The following DGKB variants were observed in gnomAD, a reference collection of about 807,000 sequenced individuals.
The protein encoded by DGKB is 90 kDa diacylglycerol kinase.
Under a neutral mutation model 114.3 loss-of-function variants are expected in DGKB, and 67 were observed. The observed-to-expected ratio is 0.59, with a 90% CI of 0.48 to 0.72. The LOEUF (loss-of-function observed/expected upper bound fraction) is 0.72, where lower values mean the gene tolerates loss of function less well. Among genes scored for constraint, DGKB ranks in the 30% least tolerant of loss-of-function variants. DGKB has a pLI of 0.00. For missense variants in DGKB, 907 were observed against 975.2 expected (o/e 0.93, Z 0.93); for synonymous variants, 398 against 323.1 (o/e 1.23, Z -2.49).
At chr7:14,756,992 T>C (rs766371015) in intron 3 of DGKB, among the ~76,000 whole-genome samples, 147 of 152,176 alleles carry the variant, frequency 9.7e-4, no homozygotes, top group Non-Finnish European at 1.6e-3. Context: ...CATTCCAGCA[T>C]GGTATTCAAA....
intron 1 of DGKB, among the ~76,000 whole-genome samples, chr7:14,888,676 CAA>C (rs1780703680): frequency 6.6e-6 from 1 of 151,696 alleles, no homozygotes; most frequent in African/African-American, 2.4e-5. Context: ...GTTAATTCTT[CAA>C]AGTTTCCCTT....
intron 21 of DGKB, among the ~76,000 whole-genome samples, chr7:14,405,991 G>A (rs556324656): frequency 6.6e-6 from 1 of 152,034 alleles, no homozygotes; most frequent in Admixed American, 6.6e-5. Flanking sequence ...AGAAAAAGGA[G>A]GAGGTTGTAT....
chr7:14,843,315 C>CTTT lies in DGKB; in HGVS notation c.-187-1868_-187-1866dup, dbSNP rs761304991. On this transcript the variant is annotated intron_variant, in intron 1 of 25. Coordinates refer to ENST00000402815, the MANE Select transcript of DGKB (RefSeq NM_001350709.2). ...TTATTTGTTAATTAAATTTTAATAA[C>CTTT]TTTTTTTTTTTTTTTTTTTTTTTTT... 3.2e-4 allele frequency among the ~76,000 whole-genome samples: 25 copies of CTTT among 77,278 alleles called. 1 individual carries two copies. The highest frequency in any genetic ancestry group is 3.8e-4 in the Non-Finnish European group (17 of 44,334). 50.7% of individuals were successfully genotyped at this position (77,278 alleles called of 152,430 possible).
At position 14,146,206 on chromosome 7, in the gene DGKB, C is replaced by T. The variant is rs747601624; in HGVS notation, c.*2925G>A. ...CAAGGAAGTGGAAAAAATAAATTTA[C>T]GTCTTTTAAACTTTCTGGTTCTATG... On this transcript the variant is annotated 3_prime_UTR_variant, in exon 26 of 26. Coordinates refer to ENST00000402815, the MANE Select transcript of DGKB (RefSeq NM_001350709.2). 6.6e-6 allele frequency: 1 copy of T among 152,170 alleles called. No homozygotes were observed. The highest frequency in any genetic ancestry group is 1.5e-5 in the Non-Finnish European group (1 of 68,026). 9.4% of individuals were successfully genotyped at this position (152,170 alleles called of 1,614,324 possible). A position where few individuals can be genotyped will look rare whatever the true frequency, so the allele number is the denominator to read the frequency against.
chr7:14,769,935 A>G (rs1480711789), intron 2 of DGKB, among the ~76,000 whole-genome samples: 1 of 152,128 alleles, frequency 6.6e-6, no homozygotes, highest in African/African-American at 2.4e-5. Flanking sequence ...CTTACAAATC[A>G]CATCAAATGT....
rs548793770 is a variant in DGKB, at chr7:14,620,532, A to G, written c.1284+846T>C. The stretch of plus-strand genomic sequence containing the variant: ...AATATAATGAATGCAAGTGTGTGAC[A>G]TACTGTTTGTATGTTAAATTGTTGG... On this transcript the variant is annotated intron_variant, in intron 15 of 25. Coordinates refer to ENST00000402815, the MANE Select transcript of DGKB (RefSeq NM_001350709.2). Among the ~76,000 whole-genome samples, 9 of 151,894 alleles carry G rather than the reference A, an allele frequency of 5.9e-5. No homozygotes were observed. In the South Asian group the frequency reaches 1.9e-3, roughly 31 times the overall value.
intron 14 of DGKB, among the ~76,000 whole-genome samples, chr7:14,624,759 A>T (rs1242858950): frequency 1.3e-5 from 2 of 152,280 alleles, no homozygotes; most frequent in Middle Eastern, 3.4e-3. Context: ...GCATTTTGGG[A>T]GGCTGAAGCA....
chr7:14,748,474 G>A (rs1833678003), intron 4 of DGKB, among the ~76,000 whole-genome samples: 1 of 152,146 alleles, frequency 6.6e-6, no homozygotes, highest in South Asian at 2.1e-4. Flanking sequence ...AAGACAGCTA[G>A]TACAATGGCC....
At position 14,145,323 on chromosome 7, in the gene DGKB, G is replaced by A. The variant is rs568092799; in HGVS notation, c.*3808C>T. The A allele has an allele frequency of 6.6e-6, 1 of 152,072 alleles. No individual in the cohort carries two copies. Among genetic ancestry groups the A allele is most frequent in the East Asian group, 1.9e-4 (1 of 5,184 alleles). The allele number at this position is 152,072 out of a possible 1,614,324, so 9.4% of individuals were successfully genotyped here. On this transcript the variant is annotated 3_prime_UTR_variant, in exon 26 of 26. Coordinates refer to ENST00000402815, the MANE Select transcript of DGKB (RefSeq NM_001350709.2). ...TTTACAGCTTTAATATATGTTACAA[G>A]GGTTTAATCTTTTAATAGAGATATT...
At position 14,333,177 on chromosome 7, in the gene DGKB, G is replaced by C. The variant is rs532669493; in HGVS notation, c.2122+5338C>G. On this transcript the variant is annotated intron_variant, in intron 23 of 25. Coordinates refer to ENST00000402815, the MANE Select transcript of DGKB (RefSeq NM_001350709.2). ...CTCTCAACACAATCAATCAGTGAGA[G>C]GCCGGGGGCAGTGGCTCACACCTGT... 3.3e-5 allele frequency among the ~76,000 whole-genome samples: 5 copies of C among 152,236 alleles called. No homozygotes were observed. The East Asian group carries it at 9.7e-4, about 29-fold the overall frequency.
chr7:14,926,519 AGTGGGAGGATCTGT>A (rs965825909), intron 1 of DGKB, among the ~76,000 whole-genome samples: 3 of 149,878 alleles, frequency 2.0e-5, no homozygotes, highest in African/African-American at 4.9e-5. Flanking sequence ...TTTAGTGGTA[AGTGGGAGGATCTGT>A]GAAGAATAAG....
intron 20 of DGKB, among the ~76,000 whole-genome samples, chr7:14,569,799 T>G (rs1382216145): frequency 6.6e-6 from 1 of 152,018 alleles, no homozygotes; most frequent in East Asian, 1.9e-4. Flanking sequence ...AATGTATAAA[T>G]TAATTGAATA....
chr7:14,438,894 A>T (rs1829658542), intron 21 of DGKB, among the ~76,000 whole-genome samples: 3 of 152,032 alleles, frequency 2.0e-5, no homozygotes, highest in African/African-American at 7.2e-5. Flanking sequence ...TAGTGACCTG[A>T]ATATACTCCC....
intron 20 of DGKB, among the ~76,000 whole-genome samples, chr7:14,516,117 G>C (rs1361644194): frequency 6.6e-6 from 1 of 152,072 alleles, no homozygotes; most frequent in African/African-American, 2.4e-5. Context: ...CAAAGTGCTA[G>C]GATTACAGGC....
At chr7:14,887,214 C>G (rs1440204363) in intron 1 of DGKB, among the ~76,000 whole-genome samples, 3 of 151,890 alleles carry the variant, frequency 2.0e-5, no homozygotes, top group South Asian at 4.2e-4. Flanking sequence ...CTGAAATTCC[C>G]CTTTAAAAGG....
At chr7:14,393,960 T>C (rs1821838686) in intron 21 of DGKB, among the ~76,000 whole-genome samples, 1 of 151,978 alleles carries the variant, frequency 6.6e-6, no homozygotes, top group Non-Finnish European at 1.5e-5. Flanking sequence ...TAGCTGGACA[T>C]GGCTGTATGG....
Position 14,641,509 on chromosome 7 carries a change from A to G in DGKB, c.1135-11241T>C, listed in dbSNP as rs1302975299. 4.1e-5 allele frequency among the ~76,000 whole-genome samples: 6 copies of G among 145,884 alleles called. No homozygotes were observed. The East Asian group carries it at 8.0e-4, about 20-fold the overall frequency. On this transcript the variant is annotated intron_variant, in intron 13 of 25. Transcript: ENST00000402815. ...CTTTCTCATTTTGGAAAAAAAAAAA[A>G]GGCTGTGCCTAGGCAAAAATTAAAC...
intron 23 of DGKB, among the ~76,000 whole-genome samples, chr7:14,220,923 C>T (rs1434357195): frequency 6.6e-6 from 1 of 150,724 alleles, no homozygotes; most frequent in Non-Finnish European, 1.5e-5. Context: ...GCATTTTATT[C>T]TTTTCTGAGG....
rs753217224 is a variant in DGKB, at chr7:14,443,064, A to G, written c.1835+35097T>C. 3.0e-4 allele frequency among the ~76,000 whole-genome samples: 46 copies of G among 152,162 alleles called. 1 individual carries two copies. Among genetic ancestry groups the G allele is most frequent in the Non-Finnish European group, 7.4e-5 (5 of 68,022 alleles). On this transcript the variant is annotated intron_variant, in intron 21 of 25. Transcript: ENST00000402815. ...AATCTTGTTTTATAATTGTTTTATA[A>G]CTGTCTAGTTTACTGCATAATAATA...
Sources: allele counts gnomAD v4.1 joint callset (sites outside exome capture counted in the v4.1 genomes callset), GRCh38; gene constraint gnomAD v4.1.1; transcripts MANE v1.5; gene names NCBI Gene and HGNC (gene_info 2026-07-23, HGNC 2026-07-21).